CNTN3: variants seen among roughly 807,000 people sequenced by gnomAD.
CNTN3 encodes contactin 3.
A neutral mutation model predicts 119.1 loss-of-function variants in CNTN3; 60 were observed. The observed-to-expected ratio is 0.50, with a 90% CI of 0.41 to 0.62. The LOEUF is 0.62. Ranked by LOEUF, CNTN3 falls within the 20% of genes least tolerant of loss-of-function variation. The pLI, the probability that CNTN3 is intolerant of heterozygous loss-of-function variation, is 0.00. For synonymous variants in CNTN3, 450 were observed against 438.7 expected (o/e 1.03, Z -0.32); for missense variants, 1,101 against 1,242.4 (o/e 0.89, Z 1.71).
intron 6 of CNTN3, among the ~76,000 whole-genome samples, chr3:74,370,322 C>T (rs748305795): frequency 3.9e-5 from 6 of 152,012 alleles, no homozygotes; most frequent in Non-Finnish European, 7.4e-5. Context: ...TAGGTTACCA[C>T]GTACAGAGCA....
intron 5 of CNTN3, among the ~76,000 whole-genome samples, chr3:74,383,342 T>C (rs1244933355): frequency 2.0e-5 from 3 of 152,166 alleles, no homozygotes; most frequent in African/African-American, 7.2e-5. Context: ...TTTTAAGTAA[T>C]AGATGCGTGT....
At chr3:74,574,875 C>T (rs936126584) in intron 1 of CNTN3, among the ~76,000 whole-genome samples, 2 of 151,636 alleles carry the variant, frequency 1.3e-5, no homozygotes, top group South Asian at 4.2e-4. Flanking sequence ...AGAGAGAGGA[C>T]TGCTCACTGT....
intron 2 of CNTN3, among the ~76,000 whole-genome samples, chr3:74,517,457 T>C (rs1274459603): frequency 6.6e-6 from 1 of 151,956 alleles, no homozygotes; most frequent in East Asian, 1.9e-4. Context: ...GTCCGTTCAG[T>C]AACACTAACA....
intron 2 of CNTN3, among the ~76,000 whole-genome samples, chr3:74,509,903 T>C (rs562830816): frequency 6.6e-6 from 1 of 152,202 alleles, no homozygotes; most frequent in Admixed American, 6.5e-5. Context: ...TATAATATAT[T>C]ACATGTACTT....
chr3:74,262,734 C>A lies in CNTN3; in HGVS notation c.*1667G>T. 6.6e-6 allele frequency: 1 copy of A among 152,510 alleles called. No homozygotes were observed. 9.4% of individuals were successfully genotyped at this position (152,510 alleles called of 1,614,324 possible). ...CAACATGAAACAATAGAGCAATCAT[C>A]TTGAAAATGAAAAGTATAGGAACAT... On this transcript the variant is annotated 3_prime_UTR_variant, in exon 23 of 23. Coordinates refer to ENST00000263665, the MANE Select transcript of CNTN3 (RefSeq NM_020872.3).
intron 11 of CNTN3, among the ~76,000 whole-genome samples, chr3:74,352,976 T>A (rs1313089430): frequency 6.6e-6 from 1 of 152,090 alleles, no homozygotes; most frequent in Non-Finnish European, 1.5e-5. Flanking sequence ...TCAAGCTTTT[T>A]GGATGAAGGG....
intron 13 of CNTN3, among the ~76,000 whole-genome samples, chr3:74,318,696 T>C (rs1371649171): frequency 6.6e-6 from 1 of 152,154 alleles, no homozygotes; most frequent in Non-Finnish European, 1.5e-5. Flanking sequence ...CAAATGCTGC[T>C]GCCTGATCGT....
chr3:74,404,955 TC>T (rs1252635458), intron 5 of CNTN3, among the ~76,000 whole-genome samples: 1 of 151,690 alleles, frequency 6.6e-6, no homozygotes, highest in South Asian at 2.1e-4. Context: ...TCACTTCTTT[TC>T]CCCTACTCTA....
At chr3:74,349,422 A>G (rs1703766290) in intron 11 of CNTN3, among the ~76,000 whole-genome samples, 1 of 152,200 alleles carries the variant, frequency 6.6e-6, no homozygotes, top group Non-Finnish European at 1.5e-5. Context: ...CTGGACCTTG[A>G]CTGATATGTA....
At chr3:74,417,169 C>T (rs1287990858) in intron 5 of CNTN3, among the ~76,000 whole-genome samples, 1 of 152,042 alleles carries the variant, frequency 6.6e-6, no homozygotes, top group Non-Finnish European at 1.5e-5. Context: ...ATAATGGCAC[C>T]TATTATTGTC....
In CNTN3 at chr3:74,566,177, G is replaced by A. The variant is rs145508588; in HGVS notation, c.-80-44985C>T. ...CTAATACAGTTGTCCTGGCAGGAAC[G>A]GGTACAATTGAGGAGAGTTTAATAG... On this transcript the variant is annotated intron_variant, in intron 1 of 22. Coordinates refer to ENST00000263665, the MANE Select transcript of CNTN3 (RefSeq NM_020872.3). 8.5e-4 allele frequency among the ~76,000 whole-genome samples: 130 copies of A among 152,252 alleles called. 1 individual carries two copies. The East Asian group carries it at 0.021, about 25-fold the overall frequency.
intron 1 of CNTN3, among the ~76,000 whole-genome samples, chr3:74,557,086 T>C (rs936540385): frequency 1.3e-5 from 2 of 152,242 alleles, no homozygotes; most frequent in Admixed American, 6.6e-5. Context: ...ATGTGGATTG[T>C]CTTTTTACTT....
intron 4 of CNTN3, among the ~76,000 whole-genome samples, chr3:74,442,925 C>T (rs182433771): frequency 1.3e-5 from 2 of 152,344 alleles, no homozygotes; most frequent in Non-Finnish European, 2.9e-5. Context: ...TAAGCCCATA[C>T]AGCATGGCTC....
intron 4 of CNTN3, among the ~76,000 whole-genome samples, chr3:74,462,139 A>C (rs1418009230): frequency 6.6e-6 from 1 of 151,992 alleles, no homozygotes; most frequent in Non-Finnish European, 1.5e-5. Context: ...ATCCTGCTCC[A>C]GCTACTTAAG....
chr3:74,307,640 A>T (rs545514912), intron 13 of CNTN3, among the ~76,000 whole-genome samples: 53 of 152,340 alleles, frequency 3.5e-4, no homozygotes, highest in African/African-American at 1.2e-3. Context: ...AACCCATACC[A>T]GATAAAAATA....
At position 74,389,966 on chromosome 3, in the gene CNTN3, G is replaced by T. The variant is rs75271886; in HGVS notation, c.455-18567C>A. Among the ~76,000 whole-genome samples, 171 of 152,334 alleles carry T rather than the reference G, an allele frequency of 1.1e-3. 3 individuals carry two copies. In the East Asian group the frequency reaches 0.028, roughly 25 times the overall value. On this transcript the variant is annotated intron_variant, in intron 5 of 22. Transcript: ENST00000263665. ...AAGACATAATTAGGATTCTTGGGAA[G>T]AAGCATGGTGATAATTTGTAGGAGA...
chr3:74,552,615 CAT>C (rs1387611930), intron 1 of CNTN3, among the ~76,000 whole-genome samples: 1 of 152,142 alleles, frequency 6.6e-6, no homozygotes, highest in Admixed American at 6.5e-5. Context: ...AATGTTGTCT[CAT>C]ATGATTTGGC....
intron 22 of CNTN3, 133 bp from the exon 23 acceptor site, chr3:74,264,634 G>A (rs985088636): frequency 6.0e-6 from 3 of 501,974 alleles, no homozygotes; most frequent in African/African-American, 4.0e-5. Context: ...AGAGTATTAG[G>A]AGGTGAGGGA....
At chr3:74,476,848 T>A (rs546142810) in intron 4 of CNTN3, among the ~76,000 whole-genome samples, 1 of 152,166 alleles carries the variant, frequency 6.6e-6, no homozygotes, top group Non-Finnish European at 1.5e-5. Context: ...AGAATTAATA[T>A]AGTATAGGCT....
Sources: gnomAD v4.1 joint callset for allele counts (sites outside exome capture counted in the v4.1 genomes callset) on GRCh38, gnomAD v4.1.1 for gene constraint, MANE v1.5 for transcripts, NCBI Gene and HGNC (gene_info 2026-07-23, HGNC 2026-07-21) for gene names.